Variants in XIAP observed in about 807,000 individuals in gnomAD.
XIAP encodes X-linked inhibitor of apoptosis.
Under a neutral mutation model 33.1 loss-of-function variants are expected in XIAP, and 3 were observed. That is an observed-to-expected ratio of 0.09 (90% CI 0.04 to 0.23). The LOEUF is 0.23. Ranked by LOEUF, XIAP falls within the 10% of genes least tolerant of loss-of-function variation. XIAP has a pLI of 1.00. For synonymous variants in XIAP, 98 were observed against 121.3 expected, an observed-to-expected ratio of 0.81 and a Z score of 1.26; for missense variants, 264 against 363.0, an observed-to-expected ratio of 0.73 and a Z score of 2.22.
chrX:123,864,416 T>G (rs1030804400), intron 1 of XIAP, among the ~76,000 whole-genome samples: 1 of 108,907 alleles, frequency 9.2e-6, no homozygotes, highest in Admixed American at 1.0e-4. Context: ...TGTGGTAGGA[T>G]TCCAAGGATA....
intron 1 of XIAP, among the ~76,000 whole-genome samples, chrX:123,864,767 CGT>C (rs752421505): frequency 0.025 from 1,293 of 52,489 alleles, 26 homozygotes; most frequent in South Asian, 0.035. Context: ...GTCGCATTCT[CGT>C]GTGTGTGTGT....
At chrX:123,899,067 G>C (rs1267551204) in intron 5 of XIAP, among the ~76,000 whole-genome samples, 1 of 83,185 alleles carries the variant, frequency 1.2e-5, no homozygotes, top group Non-Finnish European at 2.2e-5. Flanking sequence ...GTTGCAGTGA[G>C]CCGAGACGCG....
chrX:123,865,768 G>A (rs9779134), intron 1 of XIAP, among the ~76,000 whole-genome samples: 42,463 of 109,596 alleles, frequency 0.39, 6,248 homozygotes, highest in African/African-American at 0.49. Context: ...TTATTTATTT[G>A]TTTTTGAGAC....
At chrX:123,869,474 A>G (rs1003723321) in intron 1 of XIAP, among the ~76,000 whole-genome samples, 1 of 107,831 alleles carries the variant, frequency 9.3e-6, no homozygotes, top group South Asian at 4.1e-4. Context: ...CAGTGAGCTG[A>G]GATCATGCCA....
Position 123,908,623 on chromosome X carries a change from A to G in XIAP, c.*1442A>G, listed in dbSNP as rs1234426401. The G allele has an allele frequency of 2.8e-6, 1 of 361,358 alleles. No homozygotes were observed. The highest frequency in any genetic ancestry group is 5.3e-6 in the Non-Finnish European group (1 of 189,225). 29.8% of individuals were successfully genotyped at this position (361,358 alleles called of 1,213,427 possible). Reference sequence around the variant, plus strand: ...GGACAAAATGTTAAGTCTTTCCTCTACCTACATTTGTTTTCTTGGCTAGTA... The same window carrying G: ...GGACAAAATGTTAAGTCTTTCCTCTGCCTACATTTGTTTTCTTGGCTAGTA... On this transcript the variant is annotated 3_prime_UTR_variant, in exon 7 of 7. Coordinates refer to ENST00000371199, the MANE Select transcript of XIAP (RefSeq NM_001167.4).
intron 5 of XIAP, among the ~76,000 whole-genome samples, chrX:123,894,651 C>G (rs774504949): frequency 8.1e-5 from 9 of 110,817 alleles, no homozygotes; most frequent in African/African-American, 2.6e-4. Context: ...GCCTGTAATC[C>G]CAGCTACTTG....
chrX:123,902,620 T>C (rs1472507415), intron 6 of XIAP, among the ~76,000 whole-genome samples: 1 of 111,724 alleles, frequency 9.0e-6, no homozygotes, highest in Admixed American at 9.6e-5. Context: ...GTAAAAATAG[T>C]ACCGAATCAG....
chrX:123,894,692 T>C (rs1186661730), intron 5 of XIAP, among the ~76,000 whole-genome samples: 2 of 109,978 alleles, frequency 1.8e-5, no homozygotes, highest in East Asian at 5.7e-4. Context: ...TGCTTGAACC[T>C]GGGAGGCAGA....
intron 1 of XIAP, among the ~76,000 whole-genome samples, chrX:123,880,482 A>C: frequency 9.3e-6 from 1 of 108,040 alleles, no homozygotes; most frequent in Non-Finnish European, 1.9e-5. Flanking sequence ...CACACCTGTT[A>C]TCCCAGCACT....
chrX:123,885,634 A>C lies in XIAP; in HGVS notation c.-29A>C. The C allele has an allele frequency of 8.3e-7, 1 of 1,202,836 alleles. No individual in the cohort carries two copies. Among genetic ancestry groups the C allele is most frequent in the African/African-American group, 1.7e-5 (1 of 57,631 alleles). On this transcript the variant is annotated 5_prime_UTR_variant, in exon 2 of 7. Coordinates refer to ENST00000371199, the MANE Select transcript of XIAP (RefSeq NM_001167.4). ...TAATATAATGTTCTCTTTTTAGAAA[A>C]GGTGGACAAGTCCTATTTTCAAGAG...
At chrX:123,871,913 C>T (rs976655164) in intron 1 of XIAP, among the ~76,000 whole-genome samples, 1 of 109,584 alleles carries the variant, frequency 9.1e-6, no homozygotes, top group Non-Finnish European at 1.9e-5. Flanking sequence ...CCATCTTGGC[C>T]AACATGGTGA....
At chrX:123,876,236 CAACTACTTT>C (rs1451377564) in intron 1 of XIAP, among the ~76,000 whole-genome samples, 1 of 107,378 alleles carries the variant, frequency 9.3e-6, no homozygotes, top group Non-Finnish European at 1.9e-5. Flanking sequence ...TTTTTTTTTC[CAACTACTTT>C]AGTCAGATGC....
At chrX:123,905,881 C>T (rs988229191) in intron 6 of XIAP, among the ~76,000 whole-genome samples, 1 of 112,240 alleles carries the variant, frequency 8.9e-6, no homozygotes, top group African/African-American at 3.2e-5. Context: ...GGTTCTCAAA[C>T]GCCAGTGTGC....
At chrX:123,861,905 AGTC>A (rs1331900781) in intron 1 of XIAP, among the ~76,000 whole-genome samples, 1 of 111,828 alleles carries the variant, frequency 8.9e-6, no homozygotes, top group African/African-American at 3.2e-5. Flanking sequence ...ATATGTTACT[AGTC>A]GTCATATATT....
rs150788382 is a variant in XIAP, at chrX:123,867,038, C to CTT, written c.-33+6745_-33+6746insTT. The stretch of plus-strand genomic sequence containing the variant: ...CATATTGTCTACAGGTTGTTTTAAT[C>CTT]CCCCCCCCCCCTTCAACATTCTATA... On this transcript the variant is annotated intron_variant, in intron 1 of 6. Transcript: ENST00000371199. 5.8e-3 allele frequency among the ~76,000 whole-genome samples: 279 copies of CTT among 47,945 alleles called. 17 individuals are homozygous for CTT. The highest frequency in any genetic ancestry group is 0.022 in the African/African-American group (257 of 11,914). 41.6% of individuals were successfully genotyped at this position (47,945 alleles called of 115,157 possible).
chrX:123,872,151 C>T (rs767764827), intron 1 of XIAP, among the ~76,000 whole-genome samples: 64 of 110,832 alleles, frequency 5.8e-4, no homozygotes, highest in Non-Finnish European at 5.7e-4. Context: ...TTCTGAGCTG[C>T]TCGTTTTGTT....
chrX:123,893,196 A>G (rs769725145), intron 5 of XIAP, among the ~76,000 whole-genome samples: 1 of 109,926 alleles, frequency 9.1e-6, no homozygotes, highest in Non-Finnish European at 1.9e-5. Context: ...ACCATGATAT[A>G]TTTATTTCAG....
chrX:123,873,941 A>G (rs1442383501), intron 1 of XIAP: 1 of 110,010 alleles, frequency 9.1e-6, no homozygotes, highest in Non-Finnish European at 1.9e-5. Flanking sequence ...CTGAAAAAAA[A>G]AAAAAAAAAC....
intron 1 of XIAP, chrX:123,860,607 TAACCTGTGGCTTG>T (rs1351367999): frequency 4.1e-6 from 1 of 242,102 alleles, no homozygotes; most frequent in Non-Finnish European, 7.7e-6. Flanking sequence ...CCCCATGTGA[TAACCTGTGGCTTG>T]TGTGGAGCAG....
Sources: allele counts gnomAD v4.1 joint callset (sites outside exome capture counted in the v4.1 genomes callset), GRCh38; gene constraint gnomAD v4.1.1; transcripts MANE v1.5; gene names NCBI Gene and HGNC (gene_info 2026-07-23, HGNC 2026-07-21).